Variants in PREX2 observed in about 807,000 individuals in gnomAD.
PREX2 encodes the protein phosphatidylinositol 3,4,5-trisphosphate-dependent Rac exchanger 2 protein.
In PREX2, 107 loss-of-function variants were observed where a neutral mutation model predicts 203.2. That is an observed-to-expected ratio of 0.53 (90% CI 0.45 to 0.62). PREX2 has a LOEUF of 0.62. Among genes scored for constraint, PREX2 ranks in the 20% least tolerant of loss-of-function variants. The pLI, the probability that PREX2 is intolerant of heterozygous loss-of-function variation, is 0.00. For synonymous variants in PREX2, 672 were observed against 663.6 expected (o/e 1.01, Z -0.19); for missense variants, 1,777 against 1,955.9 (o/e 0.91, Z 1.72).
intron 1 of PREX2, among the ~76,000 whole-genome samples, chr8:67,994,928 A>G (rs527913218): frequency 3.3e-5 from 5 of 152,342 alleles, no homozygotes; most frequent in African/African-American, 1.2e-4. Context: ...GGAGTTCTAC[A>G]TGGTTTTAGT....
intron 1 of PREX2, among the ~76,000 whole-genome samples, chr8:67,985,388 G>T (rs1270332469): frequency 6.6e-6 from 1 of 152,008 alleles, no homozygotes; most frequent in Non-Finnish European, 1.5e-5. Flanking sequence ...GACCATATTT[G>T]TCTTAATTTT....
At chr8:68,208,690 A>T (rs1812689748) in intron 37 of PREX2, among the ~76,000 whole-genome samples, 1 of 152,176 alleles carries the variant, frequency 6.6e-6, no homozygotes, top group African/African-American at 2.4e-5. Context: ...TCTTTAGTTC[A>T]AAGATTGCTG....
chr8:68,005,400 T>C (rs1807065159), intron 1 of PREX2, among the ~76,000 whole-genome samples: 2 of 152,158 alleles, frequency 1.3e-5, no homozygotes, highest in Admixed American at 6.5e-5. Context: ...TGGAGTGAGC[T>C]TCACACCAAC....
chr8:68,225,320 A>G (rs559554618), intron 39 of PREX2, among the ~76,000 whole-genome samples: 1 of 152,314 alleles, frequency 6.6e-6, no homozygotes, highest in East Asian at 1.9e-4. Context: ...ACAGCATCAT[A>G]AGAAAGGACT....
intron 23 of PREX2, chr8:68,106,262 GCAATAA>G (rs768440401): frequency 4.0e-6 from 2 of 497,842 alleles, no homozygotes; most frequent in Non-Finnish European, 7.9e-6. Context: ...CTTTTATCCT[GCAATAA>G]CAGTGGGAAA....
rs141104268 is a variant in PREX2 at position 68,189,878 on chromosome 8, G to A, written c.4347-1844G>A. Among the ~76,000 whole-genome samples the A allele has an allele frequency of 8.0e-3, 1,225 of 152,320 alleles. 8 individuals are homozygous for A. The highest frequency in any genetic ancestry group is 0.014 in the Non-Finnish European group (934 of 68,030). Reference sequence around the variant, plus strand: ...AAACTTTTTGAGGAGGATTCAATATGTATTTTAGACAAGAAGGAACTGCTT... The same window carrying A: ...AAACTTTTTGAGGAGGATTCAATATATATTTTAGACAAGAAGGAACTGCTT... On this transcript the variant is annotated intron_variant, in intron 35 of 39. Transcript: ENST00000288368.
intron 14 of PREX2, among the ~76,000 whole-genome samples, chr8:68,076,346 A>G (rs897080881): frequency 6.6e-6 from 1 of 152,048 alleles, no homozygotes; most frequent in African/African-American, 2.4e-5. Context: ...AGTCTCAGCT[A>G]CTCGGGAGGC....
At chr8:67,972,656 G>A (rs1805958220) in intron 1 of PREX2, among the ~76,000 whole-genome samples, 1 of 152,050 alleles carries the variant, frequency 6.6e-6, no homozygotes, top group African/African-American at 2.4e-5. Flanking sequence ...TCCCTGTAGG[G>A]CCTCCCTTAG....
At chr8:68,153,553 G>A (rs1257816404) in intron 34 of PREX2, among the ~76,000 whole-genome samples, 2 of 152,024 alleles carry the variant, frequency 1.3e-5, no homozygotes, top group African/African-American at 2.4e-5. Context: ...ATTATTTTAT[G>A]GATGAGAACT....
intron 1 of PREX2, among the ~76,000 whole-genome samples, chr8:67,994,359 A>G (rs765239769): frequency 1.3e-5 from 2 of 152,244 alleles, no homozygotes; most frequent in South Asian, 4.1e-4. Flanking sequence ...CATGGACAGT[A>G]TAACAAAACC....
intron 27 of PREX2, 142 bp from the exon 28 acceptor site, chr8:68,119,290 C>CTT: frequency 1.8e-6 from 1 of 570,892 alleles, no homozygotes; most frequent in Non-Finnish European, 3.1e-6. Context: ...TTTTGGAACT[C>CTT]TTTCTCTGAA....
intron 6 of PREX2, among the ~76,000 whole-genome samples, chr8:68,035,632 T>C (rs1808005171): frequency 6.6e-6 from 1 of 152,180 alleles, no homozygotes; most frequent in South Asian, 2.1e-4. Flanking sequence ...TGTAAGCTGC[T>C]GTGTTAGGAT....
intron 37 of PREX2, among the ~76,000 whole-genome samples, chr8:68,196,234 G>T (rs1812391199): frequency 1.3e-5 from 2 of 151,258 alleles, no homozygotes; most frequent in South Asian, 4.2e-4. Context: ...GAGTTGATCA[G>T]ATTTTTGCCT....
chr8:68,156,764 A>AT (rs1341664261), intron 34 of PREX2, among the ~76,000 whole-genome samples: 1 of 152,186 alleles, frequency 6.6e-6, no homozygotes, highest in Non-Finnish European at 1.5e-5. Flanking sequence ...GGAAAGCACC[A>AT]TAAAAAAAAG....
intron 17 of PREX2, among the ~76,000 whole-genome samples, chr8:68,081,659 T>C (rs1809529914): frequency 6.6e-6 from 1 of 152,190 alleles, no homozygotes; most frequent in African/African-American, 2.4e-5. Flanking sequence ...ATGCTTTAAC[T>C]ATTTTCTCAT....
At chr8:67,997,439 C>T (rs984549581) in intron 1 of PREX2, among the ~76,000 whole-genome samples, 1 of 152,092 alleles carries the variant, frequency 6.6e-6, no homozygotes, top group Non-Finnish European at 1.5e-5. Context: ...GAAAATAGAA[C>T]AGTTATACTA....
At chr8:68,106,795 A>T (rs1256906742) in intron 23 of PREX2, among the ~76,000 whole-genome samples, 1 of 152,172 alleles carries the variant, frequency 6.6e-6, no homozygotes, top group Non-Finnish European at 1.5e-5. Flanking sequence ...GAGTAAATAG[A>T]TAGGATCATG....
At chr8:67,964,286 C>G (rs1462035223) in intron 1 of PREX2, among the ~76,000 whole-genome samples, 1 of 152,186 alleles carries the variant, frequency 6.6e-6, no homozygotes, top group Non-Finnish European at 1.5e-5. Context: ...TAATCCAGCT[C>G]TAAGGGAGAC....
intron 37 of PREX2, among the ~76,000 whole-genome samples, chr8:68,204,678 C>CTTTTTTTTTTTTTTTTT (rs1192583427): frequency 1.2e-4 from 10 of 83,426 alleles, no homozygotes; most frequent in Non-Finnish European, 2.2e-4. Context: ...TTTCTTCTTT[C>CTTTTTTTTTTTTTTTTT]TTTTTTTTTT....
Sources: gnomAD v4.1 joint callset for allele counts (sites outside exome capture counted in the v4.1 genomes callset) on GRCh38, gnomAD v4.1.1 for gene constraint, MANE v1.5 for transcripts, NCBI Gene and HGNC (gene_info 2026-07-23, HGNC 2026-07-21) for gene names.